Variants in HADHA observed in about 807,000 individuals in gnomAD.
HADHA encodes the protein hydroxyacyl-CoA dehydrogenase trifunctional multienzyme complex subunit alpha.
In HADHA, 59 loss-of-function variants were observed where a neutral mutation model predicts 91.3. The ratio of observed to expected loss-of-function variants is 0.65; its 90% CI spans 0.52 to 0.80. HADHA has a LOEUF of 0.80. Among genes scored for constraint, HADHA ranks in the 30% least tolerant of loss-of-function variants. The probability of loss-of-function intolerance (pLI) is 0.00; values close to 1 mark genes in which losing one functional copy is unlikely to be tolerated. For synonymous variants in HADHA, 320 were observed against 338.9 expected (o/e 0.94, Z 0.61); for missense variants, 800 against 927.6 (o/e 0.86, Z 1.79).
chr2:26,243,863 A>C (rs1342825066), intron 1 of HADHA, among the ~76,000 whole-genome samples: 1 of 152,256 alleles, frequency 6.6e-6, no homozygotes, highest in Non-Finnish European at 1.5e-5. Flanking sequence ...AATCGTTCTC[A>C]GAACGATCTA....
chr2:26,204,406 T>C (rs1669924908), intron 11 of HADHA, among the ~76,000 whole-genome samples: 1 of 152,208 alleles, frequency 6.6e-6, no homozygotes, highest in African/African-American at 2.4e-5. Flanking sequence ...AAAGAACTGG[T>C]CTACCCAAGA....
rs1292803070 is a variant in HADHA at position 26,229,262 on chromosome 2, C to T, written c.676+930G>A. Among the ~76,000 whole-genome samples, 3 of 151,552 alleles carry T rather than the reference C, an allele frequency of 2.0e-5. No individual in the cohort carries two copies. The highest frequency in any genetic ancestry group is 4.4e-5 in the Non-Finnish European group (3 of 67,914). On this transcript the variant is annotated intron_variant, in intron 7 of 19. Transcript: ENST00000380649. The surrounding 1 kb of genome is among the most constrained non-coding windows in gnomAD (Gnocchi z 4.3). Reference sequence around the variant, plus strand: ...CACAAGTGGGAAGATCATTTGAGCCCAAAAAGTTGAGGTTGCAACAAGCTA... The same window carrying T: ...CACAAGTGGGAAGATCATTTGAGCCTAAAAAGTTGAGGTTGCAACAAGCTA...
chr2:26,191,739 G>A lies in HADHA; in HGVS notation c.2001-111C>T, dbSNP rs572555864. The A allele has an allele frequency of 5.6e-5, 60 of 1,062,194 alleles. No individual in the cohort carries two copies. The Admixed American group carries it at 7.7e-4, about 14-fold the overall frequency. 65.8% of individuals were successfully genotyped at this position (1,062,194 alleles called of 1,614,324 possible). ...GGGTGCATGGGGAGCTCTGTGGGCC[G>A]GTTGGTGCTGGCCCTCAGAGAAGAT... On this transcript the variant is annotated intron_variant, in intron 18 of 19. Transcript: ENST00000380649.
At chr2:26,200,593 C>T (rs1006030661) in intron 13 of HADHA, among the ~76,000 whole-genome samples, 2 of 152,332 alleles carry the variant, frequency 1.3e-5, no homozygotes, top group African/African-American at 4.8e-5. Flanking sequence ...GTGAGGTTAT[C>T]TGTATGTTTG....
At chr2:26,222,896 A>G (rs920564335) in intron 7 of HADHA, among the ~76,000 whole-genome samples, 8 of 152,188 alleles carry the variant, frequency 5.3e-5, no homozygotes, top group African/African-American at 1.7e-4. Context: ...TTGCAGAGTC[A>G]ATGTCCTCCA....
At chr2:26,237,050 C>T in intron 3 of HADHA, 62 bp from the exon 4 acceptor site, 2 of 1,087,684 alleles carry the variant, frequency 1.8e-6, no homozygotes, top group Non-Finnish European at 2.9e-6. Flanking sequence ...GTACGTACCA[C>T]CATCAAATGC....
At chr2:26,241,445 CCCCGTCT>C in intron 1 of HADHA, among the ~76,000 whole-genome samples, 1 of 151,436 alleles carries the variant, frequency 6.6e-6, no homozygotes, top group South Asian at 2.1e-4. Context: ...CATGGCGAAA[CCCCGTCT>C]CTACTAAAAA....
At chr2:26,227,948 C>G (rs577102699) in intron 7 of HADHA, among the ~76,000 whole-genome samples, 1 of 149,982 alleles carries the variant, frequency 6.7e-6, no homozygotes, top group South Asian at 2.1e-4. Flanking sequence ...CCCTAGTAGC[C>G]AGGACTACAG....
At chr2:26,216,746 C>A (rs1014026111) in intron 7 of HADHA, among the ~76,000 whole-genome samples, 12 of 152,118 alleles carry the variant, frequency 7.9e-5, no homozygotes, top group African/African-American at 2.7e-4. Flanking sequence ...GAGGCCAGGG[C>A]AGCTGGAATC....
chr2:26,192,499 T>C lies in HADHA; in HGVS notation c.1886-75A>G, dbSNP rs183426924. ...GTGTTACTATTTGTTCTCAGAACCC[T>C]GGCCTGGCCAGGCGTGGTGGCTCAC... On this transcript the variant is annotated intron_variant, in intron 17 of 19. Coordinates refer to ENST00000380649, the MANE Select transcript of HADHA (RefSeq NM_000182.5). 305 of 890,812 alleles carry C rather than the reference T, an allele frequency of 3.4e-4. 1 individual carries two copies. In the East Asian group the frequency reaches 7.2e-3, roughly 21 times the overall value. The allele number at this position is 890,812 out of a possible 1,614,324, so 55.2% of individuals were successfully genotyped here. A position where few individuals can be genotyped will look rare whatever the true frequency, so the allele number is the denominator to read the frequency against.
At chr2:26,216,706 A>G (rs1490272480) in intron 7 of HADHA, among the ~76,000 whole-genome samples, 1 of 152,172 alleles carries the variant, frequency 6.6e-6, no homozygotes, top group Non-Finnish European at 1.5e-5. Context: ...CAGTGTCCAG[A>G]AAAGTCCTAA....
chr2:26,192,219 T>TAAAA, intron 18 of HADHA, 91 bp downstream of exon 18: 3 of 658,830 alleles, frequency 4.6e-6, no homozygotes, highest in South Asian at 1.7e-5. Flanking sequence ...CTTAAAGTAT[T>TAAAA]AAAAAAAAAA....
intron 14 of HADHA, among the ~76,000 whole-genome samples, chr2:26,197,022 A>G (rs976819866): frequency 1.3e-5 from 2 of 152,248 alleles, no homozygotes; most frequent in Non-Finnish European, 2.9e-5. Context: ...TGTTTTCAGT[A>G]CATAGAATTT....
intron 9 of HADHA, among the ~76,000 whole-genome samples, chr2:26,213,153 C>G (rs1476911861): frequency 6.6e-6 from 1 of 152,198 alleles, no homozygotes; most frequent in African/African-American, 2.4e-5. Flanking sequence ...ACTTCTCTGT[C>G]TAAACTACTG....
At chr2:26,202,834 T>A (rs1279211818) in intron 12 of HADHA, among the ~76,000 whole-genome samples, 2 of 152,236 alleles carry the variant, frequency 1.3e-5, no homozygotes, top group East Asian at 3.8e-4. Context: ...AAGATACTTG[T>A]CAGCATTCAA....
In HADHA at chr2:26,192,399, G is replaced by A. The variant is rs1386094528; in HGVS notation, c.1911C>T (p.Tyr637=). ...TCCTCTTCACACCCTCCTGATAGAT[G>A]TAAAAGCCCTTCCCAGATTTACGAC... ...FLGRKSGKGF[Y]IYQEGVKRKD... Residue 637 remains tyrosine, a synonymous_variant, in exon 18 of 20, where the codon TAC becomes TAT. Coordinates refer to ENST00000380649, the MANE Select transcript of HADHA (RefSeq NM_000182.5). 9 of 1,600,166 alleles carry A rather than the reference G, an allele frequency of 5.6e-6. No individual in the cohort carries two copies. Among genetic ancestry groups the A allele is most frequent in the Non-Finnish European group, 7.7e-6 (9 of 1,167,376 alleles).
chr2:26,208,804 T>C (rs1670026492), intron 11 of HADHA, among the ~76,000 whole-genome samples: 1 of 152,262 alleles, frequency 6.6e-6, no homozygotes, highest in South Asian at 2.1e-4. Context: ...TCAGATGGGA[T>C]TGATAGCAGT....
intron 10 of HADHA, chr2:26,212,216 A>G (rs1670117581): frequency 2.9e-6 from 1 of 344,254 alleles, no homozygotes. Flanking sequence ...CCCTGCAAGT[A>G]GCTGGGACTG....
intron 7 of HADHA, among the ~76,000 whole-genome samples, chr2:26,216,317 ATTTTTTTTT>A (rs11406704): frequency 9.1e-6 from 1 of 110,190 alleles, no homozygotes; most frequent in African/African-American, 3.5e-5. Flanking sequence ...CATTTGACCT[ATTTTTTTTT>A]TTTTTTTTTT....
Sources: gnomAD v4.1 joint callset for allele counts (sites outside exome capture counted in the v4.1 genomes callset) on GRCh38, gnomAD v4.1.1 for gene constraint, Gnocchi (gnomAD v3.1) non-coding constraint, MANE v1.5 for transcripts, NCBI Gene and HGNC (gene_info 2026-07-23, HGNC 2026-07-21) for gene names.